PTPRK: variants seen among roughly 807,000 people sequenced by gnomAD.
The protein encoded by PTPRK is receptor-type tyrosine-protein phosphatase kappa.
PTPRK carries 75 observed loss-of-function variants against 178.0 expected under a neutral mutation model. The observed-to-expected ratio is 0.42, with a 90% CI of 0.35 to 0.51. The LOEUF (loss-of-function observed/expected upper bound fraction) is 0.51. Among genes scored for constraint, PTPRK ranks in the 20% least tolerant of loss-of-function variants. PTPRK has a pLI of 0.02. For synonymous variants in PTPRK, 637 were observed against 620.6 expected, an observed-to-expected ratio of 1.03 and a Z score of -0.39; for missense variants, 1,441 against 1,797.8, an observed-to-expected ratio of 0.80 and a Z score of 3.59.
At chr6:128,481,593 A>T (rs979405778) in intron 1 of PTPRK, among the ~76,000 whole-genome samples, 3 of 152,094 alleles carry the variant, frequency 2.0e-5, no homozygotes, top group African/African-American at 7.2e-5. Context: ...GACCTCCTTT[A>T]TTAAGAATCC....
intron 1 of PTPRK, among the ~76,000 whole-genome samples, chr6:128,479,772 G>C (rs1479703865): frequency 3.3e-5 from 5 of 152,076 alleles, no homozygotes; most frequent in Admixed American, 6.5e-5. Flanking sequence ...TAAGTGTCTT[G>C]AATTTTACTT....
intron 3 of PTPRK, among the ~76,000 whole-genome samples, chr6:128,269,792 G>A (rs146483999): frequency 1.2e-3 from 182 of 152,146 alleles, no homozygotes; most frequent in Non-Finnish European, 2.0e-3. Context: ...GAGAGATTGT[G>A]ATGAAAGTTG....
At chr6:127,998,158 T>C (rs889267583) in intron 16 of PTPRK, among the ~76,000 whole-genome samples, 1 of 152,104 alleles carries the variant, frequency 6.6e-6, no homozygotes, top group Non-Finnish European at 1.5e-5. Flanking sequence ...GGAAGAAGAA[T>C]TTCCCACTGC....
At chr6:128,195,086 T>C (rs1305309051) in intron 6 of PTPRK, among the ~76,000 whole-genome samples, 1 of 150,676 alleles carries the variant, frequency 6.6e-6, no homozygotes, top group Non-Finnish European at 1.5e-5. Flanking sequence ...AAAAAAATTA[T>C]TAAAAATATC....
chr6:128,385,546 T>C (rs1337587250), intron 2 of PTPRK, among the ~76,000 whole-genome samples: 44 of 152,340 alleles, frequency 2.9e-4, no homozygotes, highest in Non-Finnish European at 5.9e-5. Context: ...ATATTCTTAC[T>C]TTCAGAGGAG....
intron 5 of PTPRK, among the ~76,000 whole-genome samples, chr6:128,235,794 T>G (rs1263931127): frequency 1.3e-5 from 2 of 152,064 alleles, no homozygotes; most frequent in African/African-American, 2.4e-5. Context: ...AACCTCCTTC[T>G]GACATATTGT....
At chr6:128,392,253 A>T (rs1307517064) in intron 2 of PTPRK, among the ~76,000 whole-genome samples, 2 of 152,148 alleles carry the variant, frequency 1.3e-5, no homozygotes, top group Admixed American at 1.3e-4. Flanking sequence ...GTAATTTAAC[A>T]ACAAAGGGCT....
chr6:128,245,814 T>A (rs943760590), intron 3 of PTPRK, among the ~76,000 whole-genome samples: 5 of 152,298 alleles, frequency 3.3e-5, no homozygotes, highest in African/African-American at 1.2e-4. Flanking sequence ...TTAAAAACTT[T>A]AAATAATGTA....
At chr6:128,395,698 A>C (rs1333680629) in intron 2 of PTPRK, among the ~76,000 whole-genome samples, 4 of 152,152 alleles carry the variant, frequency 2.6e-5, no homozygotes. Context: ...TGAAAGAAAA[A>C]ATACAAATCT....
chr6:128,478,626 GT>G (rs906341372), intron 1 of PTPRK, among the ~76,000 whole-genome samples: 8 of 152,048 alleles, frequency 5.3e-5, no homozygotes, highest in African/African-American at 1.9e-4. Flanking sequence ...GGGGTTTTCT[GT>G]TTGTTTTTTA....
chr6:128,422,697 A>C (rs1169403310), intron 1 of PTPRK, among the ~76,000 whole-genome samples: 2 of 151,008 alleles, frequency 1.3e-5, no homozygotes, highest in Non-Finnish European at 3.0e-5. Flanking sequence ...AAAAAAAAAA[A>C]AAAAAAACCT....
intron 2 of PTPRK, among the ~76,000 whole-genome samples, chr6:128,357,505 A>T (rs917115518): frequency 6.6e-6 from 1 of 152,166 alleles, no homozygotes; most frequent in African/African-American, 2.4e-5. Flanking sequence ...CCTACATTTC[A>T]GGTCTAGGTG....
intron 7 of PTPRK, among the ~76,000 whole-genome samples, chr6:128,183,357 T>C (rs537206877): frequency 2.0e-4 from 30 of 152,306 alleles, no homozygotes; most frequent in African/African-American, 7.2e-4. Flanking sequence ...CATGGAAATT[T>C]ACCCAACATC....
chr6:128,306,957 G>C (rs1407515528), intron 3 of PTPRK, among the ~76,000 whole-genome samples: 1 of 151,854 alleles, frequency 6.6e-6, no homozygotes, highest in Non-Finnish European at 1.5e-5. Flanking sequence ...CATGAAATAG[G>C]GTGGTAGTAG....
chr6:128,043,453 T>A (rs1372898543), intron 13 of PTPRK, among the ~76,000 whole-genome samples: 1 of 152,016 alleles, frequency 6.6e-6, no homozygotes, highest in African/African-American at 2.4e-5. Flanking sequence ...TAGTATGAAA[T>A]CATTTTGAAA....
chr6:128,298,758 A>G (rs1824974428), intron 3 of PTPRK, among the ~76,000 whole-genome samples: 1 of 152,128 alleles, frequency 6.6e-6, no homozygotes, highest in Admixed American at 6.5e-5. Flanking sequence ...CCCACAGCCA[A>G]TATCATACTG....
At chr6:127,988,299 C>T (rs902537246) in intron 21 of PTPRK, among the ~76,000 whole-genome samples, 1 of 143,360 alleles carries the variant, frequency 7.0e-6, no homozygotes, top group Non-Finnish European at 1.5e-5. Context: ...ATTATGCTAA[C>T]CTTTTTTTTT....
At chr6:128,077,228 A>C (rs1231957166) in intron 11 of PTPRK, among the ~76,000 whole-genome samples, 1 of 152,022 alleles carries the variant, frequency 6.6e-6, no homozygotes, top group Non-Finnish European at 1.5e-5. Context: ...ATAGGAAAAG[A>C]TGTTGAGTGC....
At chr6:128,141,100 G>T (rs542669769) in intron 7 of PTPRK, among the ~76,000 whole-genome samples, 17 of 152,006 alleles carry the variant, frequency 1.1e-4, no homozygotes, top group African/African-American at 4.1e-4. Flanking sequence ...TTATGCACAG[G>T]AAGAGTTGAT....
Sources: gnomAD v4.1 joint callset for allele counts (sites outside exome capture counted in the v4.1 genomes callset) on GRCh38, gnomAD v4.1.1 for gene constraint, MANE v1.5 for transcripts, NCBI Gene and HGNC (gene_info 2026-07-23, HGNC 2026-07-21) for gene names.